The following OSBPL3 variants were observed in gnomAD, a reference collection of about 807,000 sequenced individuals.
OSBPL3 encodes oxysterol binding protein like 3.
A neutral mutation model predicts 120.1 loss-of-function variants in OSBPL3; 65 were observed. The ratio of observed to expected loss-of-function variants is 0.54; its 90% CI spans 0.44 to 0.67. The LOEUF (loss-of-function observed/expected upper bound fraction) is 0.67, where lower values mean the gene tolerates loss of function less well. Among genes scored for constraint, OSBPL3 ranks in the 30% least tolerant of loss-of-function variants. The probability of loss-of-function intolerance (pLI) is 0.00; values close to 1 mark genes in which losing one functional copy is unlikely to be tolerated. For missense variants in OSBPL3, 1,004 were observed against 1,082.1 expected (o/e 0.93, Z 1.01); for synonymous variants, 416 against 402.6 (o/e 1.03, Z -0.40).
At position 24,952,875 on chromosome 7, in the gene OSBPL3, C is replaced by T. The variant is rs1814605048; in HGVS notation, c.-150+27011G>A. Among the ~76,000 whole-genome samples, 1 of 152,192 alleles carries T rather than the reference C, an allele frequency of 6.6e-6. No homozygotes were observed. The highest frequency in any genetic ancestry group is 2.1e-4 in the South Asian group (1 of 4,830). On this transcript the variant is annotated intron_variant, in intron 1 of 22. Coordinates refer to ENST00000313367, the MANE Select transcript of OSBPL3 (RefSeq NM_015550.4). This position sits in a 1 kb window ranked among gnomAD's most constrained non-coding sequence, Gnocchi z 4.4. ...TAAAATAACTCTGGGATGGCCAATG[C>T]CTGTAATCTCAGCACTTTAGGGGGC...
In OSBPL3 at chr7:24,980,170, G is replaced by C; in HGVS notation, c.-434C>G. The C allele has an allele frequency of 2.2e-6, 1 of 446,000 alleles. No individual in the cohort carries two copies. Among genetic ancestry groups the C allele is most frequent in the Non-Finnish European group, 3.0e-6 (1 of 336,806 alleles). 27.6% of individuals were successfully genotyped at this position (446,000 alleles called of 1,614,324 possible). On this transcript the variant is annotated 5_prime_UTR_variant, in exon 1 of 23. Transcript: ENST00000313367. ...CGGCCAGTTCTGAGTACTTTGCCCAGAACTTCTCGGCGCGCGCCGCCCGGC... is the reference window on the plus strand; with the variant it reads ...CGGCCAGTTCTGAGTACTTTGCCCACAACTTCTCGGCGCGCGCCGCCCGGC...
At position 24,955,335 on chromosome 7, in the gene OSBPL3, T is replaced by A. The variant is rs1001072783; in HGVS notation, c.-150+24551A>T. ...GGCTACCATGTCATTTAGCAATTAA[T>A]CTATTCCAACAACAAAAATATACTG... On this transcript the variant is annotated intron_variant, in intron 1 of 22. Transcript: ENST00000313367. The surrounding 1 kb of genome is among the most constrained non-coding windows in gnomAD (Gnocchi z 4.3). Among the ~76,000 whole-genome samples, 7 of 152,232 alleles carry A rather than the reference T, an allele frequency of 4.6e-5. No individual in the cohort carries two copies. The highest frequency in any genetic ancestry group is 4.6e-4 in the Admixed American group (7 of 15,286).
In OSBPL3 at chr7:24,916,169, T is replaced by C. The variant is rs1221431591; in HGVS notation, c.-149-23548A>G. Among the ~76,000 whole-genome samples the C allele has an allele frequency of 6.6e-6, 1 of 152,234 alleles. No homozygotes were observed. Among genetic ancestry groups the C allele is most frequent in the African/African-American group, 2.4e-5 (1 of 41,454 alleles). On this transcript the variant is annotated intron_variant, in intron 1 of 22. Transcript: ENST00000313367. The surrounding 1 kb of genome is among the most constrained non-coding windows in gnomAD (Gnocchi z 4.9). ...TCTGAACCTAAGAGAACAAATACTC[T>C]TATGCTACAGAATTACTTTTCAGAA...
chr7:24,944,031 GC>G (rs1440972414), intron 1 of OSBPL3, among the ~76,000 whole-genome samples: 1 of 144,690 alleles, frequency 6.9e-6, no homozygotes, highest in Admixed American at 6.9e-5. Context: ...CCTTTCATCG[GC>G]AAAGAAAAAC....
chr7:24,826,456 T>C (rs1795721251), intron 16 of OSBPL3, among the ~76,000 whole-genome samples: 1 of 152,100 alleles, frequency 6.6e-6, no homozygotes, highest in South Asian at 2.1e-4. Flanking sequence ...ACGAACAGCA[T>C]ACACAAAGGG....
rs1411198563 is a variant in OSBPL3 at position 24,854,489 on chromosome 7, TACACACACACACGC to T, written c.1028-1869_1028-1856del. Among the ~76,000 whole-genome samples the T allele has an allele frequency of 4.9e-4, 62 of 127,492 alleles. No individual in the cohort carries two copies. Among genetic ancestry groups the T allele is most frequent in the South Asian group, 8.2e-4 (3 of 3,670 alleles). The allele number at this position is 127,492 out of a possible 152,430, so 83.6% of individuals were successfully genotyped here. A position where few individuals can be genotyped will look rare whatever the true frequency, so the allele number is the denominator to read the frequency against. On this transcript the variant is annotated intron_variant, in intron 10 of 22. Transcript: ENST00000313367. The surrounding 1 kb of genome is among the most constrained non-coding windows in gnomAD (Gnocchi z 4.1). The stretch of plus-strand genomic sequence containing the variant: ...ATCTTAACAAAGTCACAACAATTTG[TACACACACACACGC>T]ACACACACACACACACACACACACA...
intron 1 of OSBPL3, among the ~76,000 whole-genome samples, chr7:24,957,158 A>G (rs561116888): frequency 5.9e-5 from 9 of 152,184 alleles, no homozygotes; most frequent in Admixed American, 5.9e-4. Flanking sequence ...ATACTCTAAA[A>G]GAAGGGGGCC....
At position 24,863,203 on chromosome 7, in the gene OSBPL3, C is replaced by A; in HGVS notation, c.867G>T (p.Leu289=). The A allele has an allele frequency of 6.2e-7, 1 of 1,611,542 alleles. No individual in the cohort carries two copies. Among genetic ancestry groups the A allele is most frequent in the African/African-American group, 1.3e-5 (1 of 75,006 alleles). ...TGTCAGGGGAAGCAATGGTTACCTG[C>A]AGTGTTCCTTTAGCATCTTTGCCAA... is the stretch of plus-strand genomic sequence containing the variant. ...RAIGKDAKGT[L]QVPKPFSGPV... is the part of the protein sequence containing the mutation. The change falls in exon 9 of 23, where the codon CTG becomes CTT. Residue 289 remains leucine, a synonymous_variant. Transcript: ENST00000313367. This position sits in a 1 kb window ranked among gnomAD's most constrained non-coding sequence, Gnocchi z 5.8.
At chr7:24,859,254 A>G (rs1418603543) in intron 10 of OSBPL3, among the ~76,000 whole-genome samples, 1 of 152,180 alleles carries the variant, frequency 6.6e-6, no homozygotes, top group Non-Finnish European at 1.5e-5. Flanking sequence ...AAGGAAGGCA[A>G]TAGAGGGAAT....
Position 24,968,167 on chromosome 7 carries a change from A to G in OSBPL3, c.-150+11719T>C, listed in dbSNP as rs1245605354. 1.3e-5 allele frequency among the ~76,000 whole-genome samples: 2 copies of G among 152,206 alleles called. No homozygotes were observed. Among genetic ancestry groups the G allele is most frequent in the East Asian group, 1.9e-4 (1 of 5,202 alleles). On this transcript the variant is annotated intron_variant, in intron 1 of 22. Coordinates refer to ENST00000313367, the MANE Select transcript of OSBPL3 (RefSeq NM_015550.4). This position sits in a 1 kb window ranked among gnomAD's most constrained non-coding sequence, Gnocchi z 4.6. ...CAACCTCTTGTATAATCTTCAAAAG[A>G]TATTTTATATTTTTATATATACAGT...
At position 24,922,687 on chromosome 7, in the gene OSBPL3, A is replaced by T. The variant is rs899163109; in HGVS notation, c.-149-30066T>A. ...CTGCCCTGGTCCTCAGTCTGACCTC[A>T]TTCTAGCCTGACCACCTGCTTCACA... On this transcript the variant is annotated intron_variant, in intron 1 of 22. Transcript: ENST00000313367. The surrounding 1 kb of genome is among the most constrained non-coding windows in gnomAD (Gnocchi z 4.3). Among the ~76,000 whole-genome samples, 4 of 152,052 alleles carry T rather than the reference A, an allele frequency of 2.6e-5. No homozygotes were observed. The highest frequency in any genetic ancestry group is 5.9e-5 in the Non-Finnish European group (4 of 68,012).
At position 24,804,288 on chromosome 7, in the gene OSBPL3, A is replaced by G. The variant is rs770631129; in HGVS notation, c.2567+27T>C. ...AACGTGCTGGCACCACCTATCAACC[A>G]AAAACCTACTCAATCCAGGCACGAA... On this transcript the variant is annotated intron_variant, in intron 22 of 22. Transcript: ENST00000313367. This position sits in a 1 kb window ranked among gnomAD's most constrained non-coding sequence, Gnocchi z 5.4. 3.1e-6 allele frequency: 5 copies of G among 1,613,350 alleles called. No individual in the cohort carries two copies. In the Admixed American group the frequency reaches 5.0e-5, roughly 16 times the overall value.
At chr7:24,850,270 G>A (rs575691526) in intron 11 of OSBPL3, among the ~76,000 whole-genome samples, 74 of 152,296 alleles carry the variant, frequency 4.9e-4, no homozygotes, top group African/African-American at 1.4e-3. Flanking sequence ...GGTAAAGGAA[G>A]CTGTTTCCTT....
At chr7:24,868,449 G>A (rs1434779451) in intron 5 of OSBPL3, among the ~76,000 whole-genome samples, 1 of 150,912 alleles carries the variant, frequency 6.6e-6, no homozygotes, top group Middle Eastern at 3.4e-3. Flanking sequence ...TTAGGACACC[G>A]AGATTTATGA....
At chr7:24,882,450 G>C (rs575827914) in intron 2 of OSBPL3, among the ~76,000 whole-genome samples, 4 of 152,202 alleles carry the variant, frequency 2.6e-5, no homozygotes, top group East Asian at 3.9e-4. Context: ...CTTTTTGATG[G>C]CTCAACAGTA....
At chr7:24,857,020 T>C (rs1361934520) in intron 10 of OSBPL3, among the ~76,000 whole-genome samples, 1 of 152,336 alleles carries the variant, frequency 6.6e-6, no homozygotes, top group African/African-American at 2.4e-5. Flanking sequence ...AATAAATGAC[T>C]TGGCTTTTTG....
At chr7:24,926,247 C>T (rs577750391) in intron 1 of OSBPL3, among the ~76,000 whole-genome samples, 2 of 152,092 alleles carry the variant, frequency 1.3e-5, no homozygotes, top group South Asian at 2.1e-4. Flanking sequence ...AGGGTTATGC[C>T]ATGCCCCTGA....
intron 2 of OSBPL3, among the ~76,000 whole-genome samples, chr7:24,884,916 C>T (rs895707584): frequency 6.6e-5 from 10 of 152,098 alleles, no homozygotes; most frequent in Non-Finnish European, 1.3e-4. Context: ...GGTGTTTATT[C>T]AGCCTATACT....
rs900863990 is a variant in OSBPL3, at chr7:24,900,694, G to A, written c.-149-8073C>T. Among the ~76,000 whole-genome samples the A allele has an allele frequency of 5.9e-5, 9 of 152,206 alleles. No individual in the cohort carries two copies. The highest frequency in any genetic ancestry group is 9.7e-5 in the African/African-American group (4 of 41,448). Reference sequence around the variant, plus strand: ...AAAAGACAGAGTTGGCTGGCCAGGCGTGGTGGCTCATGCCTGTAATCCCAG... The same window carrying A: ...AAAAGACAGAGTTGGCTGGCCAGGCATGGTGGCTCATGCCTGTAATCCCAG... On this transcript the variant is annotated intron_variant, in intron 1 of 22. Coordinates refer to ENST00000313367, the MANE Select transcript of OSBPL3 (RefSeq NM_015550.4). This position sits in a 1 kb window ranked among gnomAD's most constrained non-coding sequence, Gnocchi z 4.5.
Sources: allele counts gnomAD v4.1 joint callset (sites outside exome capture counted in the v4.1 genomes callset), GRCh38; gene constraint gnomAD v4.1.1; non-coding constraint Gnocchi (gnomAD v3.1); transcripts MANE v1.5; gene names NCBI Gene and HGNC (gene_info 2026-07-23, HGNC 2026-07-21).